Variants in DDX42 observed in about 807,000 individuals in gnomAD.
DDX42 encodes DEAD-box helicase 42, also known as ATP-dependent RNA helicase DDX42.
DDX42 carries 22 observed loss-of-function variants against 101.5 expected under a neutral mutation model. That is an observed-to-expected ratio of 0.22 (90% CI 0.15 to 0.31). The LOEUF (loss-of-function observed/expected upper bound fraction) is 0.31. Ranked by LOEUF, DDX42 falls within the 10% of genes least tolerant of loss-of-function variation. The pLI is 1.00. For synonymous variants in DDX42, 402 were observed against 401.2 expected (o/e 1.00, Z -0.02); for missense variants, 849 against 1,199.9 (o/e 0.71, Z 4.32).
chr17:63,794,636 A>T (rs982801952), intron 3 of DDX42, among the ~76,000 whole-genome samples: 33 of 67,546 alleles, frequency 4.9e-4, no homozygotes, highest in African/African-American at 1.2e-3. Flanking sequence ...CCCTGTCTAT[A>T]AAAAAAAAAA....
chr17:63,780,525 G>GATAT (rs1464823202), intron 1 of DDX42, among the ~76,000 whole-genome samples: 1 of 152,128 alleles, frequency 6.6e-6, no homozygotes, highest in Non-Finnish European at 1.5e-5. Flanking sequence ...AGACACCAAG[G>GATAT]ATATAGTGCT....
chr17:63,818,137 T>A lies in DDX42; in HGVS notation c.2556T>A (p.Arg852=), dbSNP rs1219566324. The change falls in exon 18 of 18, where the codon CGT becomes CGA. Residue 852 remains arginine, a synonymous_variant. Transcript: ENST00000389924. ...ACCGCCATCCAGAAAGCAGCAGCCG[T>A]CATACTGATGGCCATCGGCACGGGG... ...DGYRHPESSS[R]HTDGHRHGEN... The A allele has an allele frequency of 6.2e-7, 1 of 1,613,574 alleles. No homozygotes were observed. Among genetic ancestry groups the A allele is most frequent in the African/African-American group, 1.3e-5 (1 of 74,868 alleles).
chr17:63,818,711 T>C lies in DDX42; in HGVS notation c.*313T>C, dbSNP rs1215648627. On this transcript the variant is annotated 3_prime_UTR_variant, in exon 18 of 18. Transcript: ENST00000389924. ...CACAAAACTCACTCTAGGTTTATAT[T>C]GTATGTAGCTTATATTTTTTACTAA... 3.5e-5 allele frequency: 9 copies of C among 256,990 alleles called. No homozygotes were observed. The highest frequency in any genetic ancestry group is 2.0e-4 in the African/African-American group (9 of 45,576). 15.9% of individuals were successfully genotyped at this position (256,990 alleles called of 1,614,324 possible). A position where few individuals can be genotyped will look rare whatever the true frequency, so the allele number is the denominator to read the frequency against.
chr17:63,809,952 T>C (rs1366703271), intron 11 of DDX42, among the ~76,000 whole-genome samples: 3 of 152,204 alleles, frequency 2.0e-5, no homozygotes, highest in Non-Finnish European at 2.9e-5. Flanking sequence ...TCTGTGTTCT[T>C]GGGTAGATGA....
chr17:63,775,790 A>G (rs914851160), intron 1 of DDX42, among the ~76,000 whole-genome samples: 1 of 152,142 alleles, frequency 6.6e-6, no homozygotes, highest in Non-Finnish European at 1.5e-5. Context: ...CTTAGGAAGG[A>G]TCTGAGGGTT....
intron 2 of DDX42, among the ~76,000 whole-genome samples, chr17:63,790,199 G>A (rs2039608888): frequency 6.6e-6 from 1 of 152,144 alleles, no homozygotes; most frequent in African/African-American, 2.4e-5. Context: ...ATATGCATGA[G>A]TAAATATGTG....
chr17:63,817,119 G>C, intron 17 of DDX42, 153 bp downstream of exon 17: 1 of 608,986 alleles, frequency 1.6e-6, no homozygotes, highest in Non-Finnish European at 2.9e-6. Flanking sequence ...AAACCTAACA[G>C]TAGCTTAGTT....
intron 1 of DDX42, among the ~76,000 whole-genome samples, chr17:63,783,624 G>A (rs1206637429): frequency 1.3e-5 from 2 of 152,182 alleles, no homozygotes; most frequent in African/African-American, 4.8e-5. Context: ...AAGACAGCAG[G>A]AGATGAAGTT....
intron 2 of DDX42, among the ~76,000 whole-genome samples, chr17:63,790,952 C>G (rs1426419952): frequency 6.6e-6 from 1 of 152,100 alleles, no homozygotes; most frequent in Non-Finnish European, 1.5e-5. Context: ...AGCATATATA[C>G]TATATAGTTT....
chr17:63,810,424 C>T, intron 11 of DDX42, 89 bp from the exon 12 acceptor site: 2 of 1,385,266 alleles, frequency 1.4e-6, no homozygotes, highest in Non-Finnish European at 2.0e-6. Context: ...CTTACAACTT[C>T]TTATGAAGAC....
At chr17:63,809,494 A>G (rs2039883525) in intron 10 of DDX42, 66 bp from the exon 11 acceptor site, 1 of 1,339,588 alleles carries the variant, frequency 7.5e-7, no homozygotes, top group Non-Finnish European at 1.1e-6. Context: ...CCAGGAGTGC[A>G]ACTGCTTAGA....
At chr17:63,798,181 A>AG in intron 4 of DDX42, 82 bp downstream of exon 4, 1 of 1,326,238 alleles carries the variant, frequency 7.5e-7, no homozygotes, top group Non-Finnish European at 1.1e-6. Context: ...AAGTTTATAG[A>AG]GAAAAAATAT....
intron 2 of DDX42, 59 bp from the exon 3 acceptor site, chr17:63,792,353 A>T: frequency 1.3e-6 from 2 of 1,549,118 alleles, no homozygotes; most frequent in Non-Finnish European, 1.8e-6. Context: ...TTGTTAAATG[A>T]AAGATTTACT....
intron 11 of DDX42, 106 bp downstream of exon 11, chr17:63,809,765 C>G (rs1395565055): frequency 1.2e-6 from 1 of 846,672 alleles, no homozygotes; most frequent in Non-Finnish European, 2.0e-6. Flanking sequence ...TAAAAATACT[C>G]CTGGATGGGG....
chr17:63,784,000 G>T (rs1280723699), intron 1 of DDX42, among the ~76,000 whole-genome samples: 5 of 152,100 alleles, frequency 3.3e-5, no homozygotes, highest in Admixed American at 3.3e-4. Context: ...GGAGGCAGAG[G>T]TTGCAGTGAG....
chr17:63,799,430 A>T (rs747520130), intron 4 of DDX42, 159 bp from the exon 5 acceptor site: 32 of 631,920 alleles, frequency 5.1e-5, no homozygotes, highest in Admixed American at 4.2e-4. Context: ...ACATATATAT[A>T]ATGGGGTGGA....
chr17:63,801,931 C>T (rs2039775333), intron 6 of DDX42, among the ~76,000 whole-genome samples: 1 of 150,796 alleles, frequency 6.6e-6, no homozygotes, highest in Non-Finnish European at 1.5e-5. Context: ...CAGCCGAGAT[C>T]TCACATACAC....
In DDX42 at chr17:63,787,209, C is replaced by G. The variant is rs2039557932; in HGVS notation, c.160C>G (p.Pro54Ala). The change falls in exon 2 of 18, where the codon CCA becomes GCA. Residue 54 changes from proline to alanine, a missense_variant. Transcript: ENST00000389924. The stretch of plus-strand genomic sequence containing the variant: ...TTCTGGATTTGGAAAGTCAGCTCCA[C>G]CACAGCTTCCTTCTTTCTACAAAAT... ...SSSGFGKSAP[P>A]QLPSFYKIGS... 6.2e-7 allele frequency: 1 copy of G among 1,614,156 alleles called. No individual in the cohort carries two copies. The highest frequency in any genetic ancestry group is 8.5e-7 in the Non-Finnish European group (1 of 1,180,032).
chr17:63,803,405 A>ATGGTGAAACCCCCGTCTTTGGG (rs2039797360), intron 6 of DDX42, among the ~76,000 whole-genome samples: 7 of 151,904 alleles, frequency 4.6e-5, no homozygotes, highest in Admixed American at 4.6e-4. Context: ...CCTGGCCAAC[A>ATGGTGAAACCCCCGTCTTTGGG]TGGTGAAACC....
Sources: allele counts gnomAD v4.1 joint callset (sites outside exome capture counted in the v4.1 genomes callset), GRCh38; gene constraint gnomAD v4.1.1; transcripts MANE v1.5; gene names NCBI Gene and HGNC (gene_info 2026-07-23, HGNC 2026-07-21).